Variants in CDAN1 observed in about 807,000 individuals in gnomAD.
CDAN1 encodes the protein codanin 1.
CDAN1 carries 107 observed loss-of-function variants against 139.8 expected under a neutral mutation model. The ratio of observed to expected loss-of-function variants is 0.77; its 90% CI spans 0.65 to 0.90. The LOEUF is 0.90. CDAN1 is among the 40% of genes least tolerant of loss of function. The pLI is 0.00. For synonymous variants in CDAN1, 776 were observed against 660.6 expected, an observed-to-expected ratio of 1.17 and a Z score of -2.68; for missense variants, 1,667 against 1,575.7, an observed-to-expected ratio of 1.06 and a Z score of -0.98.
Position 42,724,053 on chromosome 15 carries a change from A to G in CDAN1, c.*438T>C, listed in dbSNP as rs563564146. 92 of 265,732 alleles carry G rather than the reference A, an allele frequency of 3.5e-4. No homozygotes were observed. Among genetic ancestry groups the G allele is most frequent in the African/African-American group, 2.0e-3 (90 of 44,964 alleles). The allele number at this position is 265,732 out of a possible 1,614,324, so 16.5% of individuals were successfully genotyped here. On this transcript the variant is annotated 3_prime_UTR_variant, in exon 28 of 28. Transcript: ENST00000356231. Reference sequence around the variant, plus strand: ...GGAGATGGCAGTCCAGCTCCTGGTGATAAGAAAATGTAGACTCCCAAGATT... The same window carrying G: ...GGAGATGGCAGTCCAGCTCCTGGTGGTAAGAAAATGTAGACTCCCAAGATT...
chr15:42,731,882 CTG>C, intron 10 of CDAN1, 57 bp from the exon 11 acceptor site: 1 of 1,496,216 alleles, frequency 6.7e-7, no homozygotes, highest in Non-Finnish European at 9.3e-7. Context: ...GAGGGAAGGA[CTG>C]AACAAAAAAT....
At chr15:42,726,255 G>T (rs890690272) in intron 24 of CDAN1, 55 bp downstream of exon 24, 2 of 1,595,806 alleles carry the variant, frequency 1.3e-6, no homozygotes, top group African/African-American at 2.7e-5. Context: ...CTGGTTATCA[G>T]GTCTCACACA....
In CDAN1 at chr15:42,729,368, T is replaced by C; in HGVS notation, c.2408-6A>G. 1 of 1,614,070 alleles carries C rather than the reference T, an allele frequency of 6.2e-7. No individual in the cohort carries two copies. Among genetic ancestry groups the C allele is most frequent in the Non-Finnish European group, 8.5e-7 (1 of 1,179,980 alleles). ...GAGCAGTTTCCGGAGCTCTCCTGTATCAGTGAAGTCCAAGTTCTCAGTTCC... is the reference window on the plus strand; with the variant it reads ...GAGCAGTTTCCGGAGCTCTCCTGTACCAGTGAAGTCCAAGTTCTCAGTTCC... On this transcript the variant is annotated splice_polypyrimidine_tract_variant and splice_region_variant and intron_variant, in intron 17 of 27. Coordinates refer to ENST00000356231, the MANE Select transcript of CDAN1 (RefSeq NM_138477.4).
At chr15:42,734,163 G>C in intron 7 of CDAN1, 63 bp downstream of exon 7, 1 of 1,613,364 alleles carries the variant, frequency 6.2e-7, no homozygotes, top group Non-Finnish European at 8.5e-7. Flanking sequence ...AGGGTTGCCT[G>C]AATTTATGAA....
At chr15:42,725,285 GGAC>G (rs1566978227) in intron 26 of CDAN1, 34 bp from the exon 27 acceptor site, 1 of 1,588,126 alleles carries the variant, frequency 6.3e-7, no homozygotes, top group South Asian at 1.1e-5. Flanking sequence ...GTTGCTAGGA[GGAC>G]GACAGAGTGA....
At chr15:42,730,013 G>C (rs181717585) in intron 15 of CDAN1, 115 bp downstream of exon 15, 19 of 1,111,008 alleles carry the variant, frequency 1.7e-5, no homozygotes, top group Middle Eastern at 2.9e-4. Flanking sequence ...GGAATCCCCA[G>C]GCCTTTCCTG....
intron 18 of CDAN1, 40 bp from the exon 19 acceptor site, chr15:42,729,166 C>G: frequency 1.9e-6 from 3 of 1,613,676 alleles, no homozygotes; most frequent in Non-Finnish European, 2.5e-6. Flanking sequence ...TTCCTCCAGC[C>G]TCCCTGTCCC....
intron 27 of CDAN1, 110 bp downstream of exon 27, chr15:42,725,034 A>ACT (rs933113157): frequency 1.2e-6 from 1 of 863,022 alleles, no homozygotes; most frequent in African/African-American, 1.7e-5. Context: ...GGCCCTGAAG[A>ACT]CTCTTGACAA....
At position 42,727,637 on chromosome 15, in the gene CDAN1, A is replaced by T. The variant is rs780604551; in HGVS notation, c.3080T>A (p.Leu1027His). The T allele has an allele frequency of 1.3e-6, 2 of 1,577,002 alleles. No individual in the cohort carries two copies. Among genetic ancestry groups the T allele is most frequent in the Non-Finnish European group, 8.6e-7 (1 of 1,158,178 alleles). Residue 1027 changes from leucine (L) to histidine (H), a missense_variant, in exon 23 of 28, where the codon CTC (leucine) becomes CAC (histidine). By Grantham distance (99) the Leu-to-His change is moderately conservative. Coordinates refer to ENST00000356231, the MANE Select transcript of CDAN1 (RefSeq NM_138477.4). ...CEHHAPLPSH[L>H]ISEIKDVLSL... is the part of the protein sequence containing the mutation. ...GCCGTGTACTTTTATCTCGGAGATGAGGTGGGAGGGGAGGGGAGCATGGTG... is the reference window on the plus strand; with the variant it reads ...GCCGTGTACTTTTATCTCGGAGATGTGGTGGGAGGGGAGGGGAGCATGGTG...
chr15:42,730,178 A>ACAT lies in CDAN1; in HGVS notation c.2209_2211dup (p.Met737dup). On this transcript the variant is annotated inframe_insertion, in exon 15 of 28. Transcript: ENST00000356231. ...AGTAGCAGCAGCTTGTTCAGGAAACACATCTTCCCCTCACTCTCCTGCGAC... is the reference window on the plus strand; with the variant it reads ...AGTAGCAGCAGCTTGTTCAGGAAACACATCATCTTCCCCTCACTCTCCTGCGAC... The ACAT allele has an allele frequency of 6.2e-7, 1 of 1,614,212 alleles. No individual in the cohort carries two copies.
intron 4 of CDAN1, 55 bp downstream of exon 4, chr15:42,735,455 C>A: frequency 6.2e-7 from 1 of 1,606,666 alleles, no homozygotes; most frequent in Non-Finnish European, 8.5e-7. Context: ...TACCAATTCT[C>A]TTACCCATAA....
Position 42,725,669 on chromosome 15 carries a change from A to T in CDAN1, c.3270T>A (p.Val1090=). ...GCCCTAGGATAGGAATTTGATCTGC[A>T]ACTGTGGAAAGAGGAAAGCCAAGCT... is the stretch of plus-strand genomic sequence containing the variant. ...KCSVELASLL[V]ADQIPILGPP... The change falls in exon 26 of 28, where the codon GTT becomes GTA. Residue 1090 remains valine, a splice_region_variant and synonymous_variant. Coordinates refer to ENST00000356231, the MANE Select transcript of CDAN1 (RefSeq NM_138477.4). 1 of 1,614,018 alleles carries T rather than the reference A, an allele frequency of 6.2e-7. No homozygotes were observed. Among genetic ancestry groups the T allele is most frequent in the Non-Finnish European group, 8.5e-7 (1 of 1,179,978 alleles).
intron 4 of CDAN1, 66 bp from the exon 5 acceptor site, chr15:42,735,440 T>A: frequency 6.3e-7 from 1 of 1,597,966 alleles, no homozygotes; most frequent in Non-Finnish European, 8.5e-7. Context: ...CAGTTCCAAG[T>A]GCCTTACCAA....
In CDAN1 at chr15:42,735,662, T is replaced by G. The variant is rs752641116; in HGVS notation, c.791A>C (p.Gln264Pro). Residue 264 changes from glutamine to proline, a missense_variant, in exon 4 of 28, where the codon CAG becomes CCG. Coordinates refer to ENST00000356231, the MANE Select transcript of CDAN1 (RefSeq NM_138477.4). ...LRKERSKQLQ[Q>P]SPTPTCPTPE... The stretch of plus-strand genomic sequence containing the variant: ...GGTGGGACAGGTGGGGGTAGGTGAC[T>G]GCTGCAGCTGCTTAGAGCTATGGAA... 5.6e-6 allele frequency: 9 copies of G among 1,614,078 alleles called. No homozygotes were observed. The South Asian group carries it at 9.9e-5, about 18-fold the overall frequency.
chr15:42,730,360 T>G, intron 14 of CDAN1, 145 bp from the exon 15 acceptor site: 1 of 901,216 alleles, frequency 1.1e-6, no homozygotes, highest in Non-Finnish European at 1.8e-6. Context: ...CAGCCCCGCC[T>G]CCTGCATGGG....
chr15:42,729,442 A>G (rs2061579708), intron 17 of CDAN1, 80 bp from the exon 18 acceptor site: 1 of 1,604,484 alleles, frequency 6.2e-7, no homozygotes, highest in Non-Finnish European at 8.5e-7. Context: ...TGTGGAGTCA[A>G]GAGGCTCAGA....
At chr15:42,727,544 A>AT (rs778631481) in intron 23 of CDAN1, 77 bp downstream of exon 23, 251 of 1,335,564 alleles carry the variant, frequency 1.9e-4, no homozygotes, top group South Asian at 1.6e-3. Context: ...CCTGGAGCTG[A>AT]TGTGAGAAAG....
At chr15:42,733,233 G>T in intron 8 of CDAN1, 47 bp from the exon 9 acceptor site, 1 of 1,494,530 alleles carries the variant, frequency 6.7e-7, no homozygotes, top group Non-Finnish European at 9.3e-7. Flanking sequence ...ACTCCCACCA[G>T]TGCCTTCCTG....
intron 26 of CDAN1, 34 bp from the exon 27 acceptor site, chr15:42,725,285 G>A: frequency 6.3e-7 from 1 of 1,588,126 alleles, no homozygotes; most frequent in Non-Finnish European, 8.6e-7. Flanking sequence ...GTTGCTAGGA[G>A]GACGACAGAG....
Sources: gnomAD v4.1 joint callset for allele counts on GRCh38, gnomAD v4.1.1 for gene constraint, MANE v1.5 for transcripts, NCBI Gene and HGNC (gene_info 2026-07-23, HGNC 2026-07-21) for gene names.